The following EMC3 variants were observed in gnomAD, a reference collection of about 807,000 sequenced individuals.
EMC3 encodes 30 kDa protein.
Under a neutral mutation model 36.6 loss-of-function variants are expected in EMC3, and 13 were observed. The observed-to-expected ratio is 0.35, with a 90% CI of 0.23 to 0.56. The LOEUF (loss-of-function observed/expected upper bound fraction) is 0.56, where lower values mean the gene tolerates loss of function less well. EMC3 is among the 20% of genes least tolerant of loss of function. The pLI, the probability that EMC3 is intolerant of heterozygous loss-of-function variation, is 0.84. For synonymous variants in EMC3, 120 were observed against 111.9 expected, an observed-to-expected ratio of 1.07 and a Z score of -0.46; for missense variants, 220 against 324.5, an observed-to-expected ratio of 0.68 and a Z score of 2.47.
At chr3:9,986,187 T>C (rs1009008789) in intron 1 of EMC3, among the ~76,000 whole-genome samples, 1 of 152,160 alleles carries the variant, frequency 6.6e-6, no homozygotes, top group Non-Finnish European at 1.5e-5. Flanking sequence ...TGGGATGGAA[T>C]AGTTCATAGG....
At chr3:10,003,038 C>A in intron 1 of EMC3, 1 of 456,160 alleles carries the variant, frequency 2.2e-6, no homozygotes, top group Non-Finnish European at 4.4e-6. Flanking sequence ...ACATCCCAGG[C>A]TCAACAAGCC....
chr3:9,963,477 A>ATATATATATTT lies in EMC3; in HGVS notation c.*591_*592insAAATATATATA, dbSNP rs61596273. 134 of 88,894 alleles carry ATATATATATTT rather than the reference A, an allele frequency of 1.5e-3. No individual in the cohort carries two copies. The highest frequency in any genetic ancestry group is 2.5e-3 in the Non-Finnish European group (114 of 46,246). 5.5% of individuals were successfully genotyped at this position (88,894 alleles called of 1,614,324 possible). A position where few individuals can be genotyped will look rare whatever the true frequency, so the allele number is the denominator to read the frequency against. On this transcript the variant is annotated 3_prime_UTR_variant, in exon 8 of 8. Coordinates refer to ENST00000245046, the MANE Select transcript of EMC3 (RefSeq NM_001394674.1). Reference sequence around the variant, plus strand: ...TAGATATATATATATATATATATATATTTTTTTTTTTTTTTCAGATGGAGT... The same window carrying ATATATATATTT: ...TAGATATATATATATATATATATATATATATATATTTTTTTTTTTTTTTTTTCAGATGGAGT...
intron 1 of EMC3, among the ~76,000 whole-genome samples, chr3:9,997,372 C>T (rs2086139405): frequency 6.6e-6 from 1 of 152,132 alleles, no homozygotes; most frequent in Admixed American, 6.6e-5. Flanking sequence ...GCCCAGCCAG[C>T]ATATTTTCAA....
intron 1 of EMC3, chr3:9,994,441 G>A (rs550656238): frequency 2.9e-5 from 15 of 511,650 alleles, no homozygotes; most frequent in African/African-American, 2.9e-4. Context: ...TGGGTCTCAG[G>A]AAAGCTCAAT....
intron 1 of EMC3, chr3:10,000,538 A>G (rs1468148589): frequency 1.6e-5 from 4 of 255,582 alleles, no homozygotes; most frequent in Non-Finnish European, 2.4e-5. Flanking sequence ...ATATTCTGTC[A>G]TTTATGATCT....
intron 1 of EMC3, among the ~76,000 whole-genome samples, chr3:9,986,081 A>C (rs949113219): frequency 1.3e-5 from 2 of 152,174 alleles, no homozygotes; most frequent in African/African-American, 4.8e-5. Flanking sequence ...CGCCTGGAAC[A>C]GTAATTTGGT....
intron 1 of EMC3, chr3:10,010,246 C>G (rs1418167435): frequency 6.6e-6 from 1 of 152,262 alleles, no homozygotes; most frequent in Non-Finnish European, 1.5e-5. Context: ...TCCTGGCTAA[C>G]ACGGTGAAAC....
At chr3:9,994,259 A>G (rs1279375232) in intron 1 of EMC3, 1 of 1,370,518 alleles carries the variant, frequency 7.3e-7, no homozygotes, top group African/African-American at 1.4e-5. Context: ...ACTAGAGTAG[A>G]ATTTCATTTG....
At chr3:9,984,059 C>T (rs68080705) in intron 1 of EMC3, among the ~76,000 whole-genome samples, 34,201 of 151,718 alleles carry the variant, frequency 0.23, 4,475 homozygotes, top group African/African-American at 0.36. Flanking sequence ...TTCTACAGCC[C>T]TTCTTTCTGT....
At chr3:9,973,395 A>C (rs1405073783) in intron 5 of EMC3, 4 of 414,442 alleles carry the variant, frequency 9.7e-6, no homozygotes, top group Non-Finnish European at 1.7e-5. Context: ...GGGGTTTCAC[A>C]GTGTTAGCCA....
At position 9,986,830 on chromosome 3, in the gene EMC3, G is replaced by A. The variant is rs75546518; in HGVS notation, c.-169C>T. 9.5e-3 allele frequency: 13,300 copies of A among 1,398,956 alleles called. 1,068 individuals carry two copies. The African/African-American group carries it at 0.17, about 18-fold the overall frequency. 86.7% of individuals were successfully genotyped at this position (1,398,956 alleles called of 1,614,324 possible). On this transcript the variant is annotated 5_prime_UTR_variant, in exon 1 of 8. Coordinates refer to ENST00000245046, the MANE Select transcript of EMC3 (RefSeq NM_001394674.1). ...CTTACTGCCTTCAGCTGGGCTGCCT[G>A]GTCTTCCACTTCCGGCGCGAACGTT...
intron 1 of EMC3, chr3:10,007,531 C>T: frequency 7.3e-7 from 1 of 1,367,644 alleles, no homozygotes; most frequent in South Asian, 1.1e-5. Flanking sequence ...GCATGAAGCG[C>T]TCCCCCTCAG....
At chr3:10,004,252 GA>G (rs1406600409) in intron 1 of EMC3, 1 of 152,330 alleles carries the variant, frequency 6.6e-6, no homozygotes, top group East Asian at 1.9e-4. Flanking sequence ...GACCACACTA[GA>G]AGAAGTTATG....
At chr3:9,987,173 C>T, upstream of EMC3, 1 of 884,698 alleles carries the variant, frequency 1.1e-6, no homozygotes, top group Middle Eastern at 5.8e-4. Context: ...GAGATTGCTG[C>T]ACTGCACTCC....
chr3:9,995,618 G>A lies in EMC3; in HGVS notation c.-241-8716C>T, dbSNP rs376312984. Among the ~76,000 whole-genome samples, 11 of 151,676 alleles carry A rather than the reference G, an allele frequency of 7.3e-5. 1 individual carries two copies. In the East Asian group the frequency reaches 9.7e-4, roughly 13 times the overall value. On this transcript the variant is annotated intron_variant, in intron 1 of 8. Coordinates refer to the EMC3 transcript ENST00000470827. Reference sequence around the variant, plus strand: ...AGAATGAAGCCAGCAGCCACATCCAGGTAAGAAGCAATATGTTGGGAAAGA... The same window carrying A: ...AGAATGAAGCCAGCAGCCACATCCAAGTAAGAAGCAATATGTTGGGAAAGA...
At position 9,966,254 on chromosome 3, in the gene EMC3, G is replaced by A. The variant is rs370080604; in HGVS notation, c.658-2057C>T. 1.4e-3 allele frequency among the ~76,000 whole-genome samples: 207 copies of A among 146,828 alleles called. 5 individuals are homozygous for A. Among genetic ancestry groups the A allele is most frequent in the Middle Eastern group, 6.9e-3 (2 of 288 alleles). ...TTTTTTTTTTTTGAGATGGAGTCTCGCTCTGGCACCCAGGCTGGAGTGCAG... is the reference window on the plus strand; with the variant it reads ...TTTTTTTTTTTTGAGATGGAGTCTCACTCTGGCACCCAGGCTGGAGTGCAG... On this transcript the variant is annotated intron_variant, in intron 7 of 7. Transcript: ENST00000245046.
rs1319097394 is a variant in EMC3 at position 9,969,375 on chromosome 3, GT to G, written c.657+343del. 2.9e-5 allele frequency: 33 copies of G among 1,145,348 alleles called. No homozygotes were observed. The East Asian group carries it at 2.3e-3, about 79-fold the overall frequency. 70.9% of individuals were successfully genotyped at this position (1,145,348 alleles called of 1,614,324 possible). A position where few individuals can be genotyped will look rare whatever the true frequency, so the allele number is the denominator to read the frequency against. Reference sequence around the variant, plus strand: ...TTTTTGTGAAAAGGCTCTTAGTATTGTTTTTTTAATGCAATTTATATCTGAT... The same window carrying G: ...TTTTTGTGAAAAGGCTCTTAGTATTGTTTTTTAATGCAATTTATATCTGAT... On this transcript the variant is annotated intron_variant, in intron 7 of 7. Coordinates refer to ENST00000245046, the MANE Select transcript of EMC3 (RefSeq NM_001394674.1).
intron 6 of EMC3, 30 bp from the exon 7 acceptor site, chr3:9,969,831 C>T (rs2085767719): frequency 2.5e-6 from 4 of 1,609,554 alleles, no homozygotes. Context: ...TACATGAGTG[C>T]CAGGACTCAG....
intron 7 of EMC3, among the ~76,000 whole-genome samples, chr3:9,967,460 T>C (rs2085745444): frequency 6.6e-6 from 1 of 152,176 alleles, no homozygotes; most frequent in South Asian, 2.1e-4. Flanking sequence ...ATTCGTTGAA[T>C]GGAGACTATT....
Sources: allele counts gnomAD v4.1 joint callset (sites outside exome capture counted in the v4.1 genomes callset), GRCh38; gene constraint gnomAD v4.1.1; transcripts MANE v1.5; gene names NCBI Gene and HGNC (gene_info 2026-07-23, HGNC 2026-07-21).